The following SLCO2B1 variants were observed in gnomAD, a reference collection of about 807,000 sequenced individuals.
The protein encoded by SLCO2B1 is OATP-RP2.
A neutral mutation model predicts 67.3 loss-of-function variants in SLCO2B1; 41 were observed. The observed-to-expected ratio is 0.61, with a 90% CI of 0.47 to 0.79. SLCO2B1 has a LOEUF of 0.79. Ranked by LOEUF, SLCO2B1 falls within the 30% of genes least tolerant of loss-of-function variation. The probability of loss-of-function intolerance (pLI) is 0.00; values close to 1 mark genes in which losing one functional copy is unlikely to be tolerated. For synonymous variants in SLCO2B1, 379 were observed against 381.4 expected (o/e 0.99, Z 0.07); for missense variants, 837 against 920.1 (o/e 0.91, Z 1.17).
intron 11 of SLCO2B1, chr11:75,200,602 C>T (rs573652065): frequency 2.0e-6 from 1 of 493,732 alleles, no homozygotes; most frequent in South Asian, 3.5e-5. Context: ...CAGAGAAGTT[C>T]AGGAGCTGGC....
intron 3 of SLCO2B1, among the ~76,000 whole-genome samples, chr11:75,164,666 ATGTTTTT>A (rs1239038066): frequency 6.6e-5 from 10 of 151,986 alleles, no homozygotes; most frequent in African/African-American, 2.2e-4. Context: ...CCCCCGCCAG[ATGTTTTT>A]ACCCTGAAGG....
At chr11:75,160,219 T>G (rs1294618885) in intron 1 of SLCO2B1, among the ~76,000 whole-genome samples, 1 of 152,242 alleles carries the variant, frequency 6.6e-6, no homozygotes, top group African/African-American at 2.4e-5. Flanking sequence ...TGAAGTGACT[T>G]GGCTAGGTTT....
intron 13 of SLCO2B1, chr11:75,203,979 G>A (rs1213848977): frequency 6.1e-6 from 1 of 164,026 alleles, no homozygotes; most frequent in Non-Finnish European, 1.3e-5. Flanking sequence ...CTCTGAGGAG[G>A]TGAGGAGGGC....
chr11:75,200,235 C>A lies in SLCO2B1; in HGVS notation c.1611C>A (p.Thr537=), dbSNP rs202128185. The A allele has an allele frequency of 2.4e-5, 39 of 1,611,044 alleles. No individual in the cohort carries two copies. The highest frequency in any genetic ancestry group is 3.3e-5 in the Admixed American group (2 of 59,814). ...DALDNSQVFY[T]NCSCVVEGNP... is the part of the protein sequence containing the mutation. ...TCTTCCCACTCCAGGTTTTCTACAC[C>A]AACTGCAGCTGCGTGGTGGAGGGCA... Residue 537 remains threonine, a synonymous_variant, in exon 11 of 14, where the codon ACC becomes ACA. Coordinates refer to ENST00000289575, the MANE Select transcript of SLCO2B1 (RefSeq NM_007256.5).
chr11:75,204,265 C>A, intron 13 of SLCO2B1, 135 bp from the exon 14 acceptor site: 2 of 918,444 alleles, frequency 2.2e-6, no homozygotes, highest in Non-Finnish European at 1.6e-6. Flanking sequence ...CCCCCTCCTC[C>A]AGGGAAGAGC....
At chr11:75,186,289 A>C (rs1485645800) in intron 7 of SLCO2B1, among the ~76,000 whole-genome samples, 1 of 149,828 alleles carries the variant, frequency 6.7e-6, no homozygotes, top group Non-Finnish European at 1.5e-5. Flanking sequence ...GCTCACTACA[A>C]CCTCCGCCTC....
intron 7 of SLCO2B1, among the ~76,000 whole-genome samples, chr11:75,178,105 A>AC (rs1382614538): frequency 0.037 from 5,666 of 151,642 alleles, 370 homozygotes; most frequent in African/African-American, 0.13. Flanking sequence ...AAAAAAAAAA[A>AC]AAAACAAAAA....
In SLCO2B1 at chr11:75,200,168, G is replaced by A. The variant is rs1945161000; in HGVS notation, c.1600-56G>A. 3 of 1,547,238 alleles carry A rather than the reference G, an allele frequency of 1.9e-6. No individual in the cohort carries two copies. In the South Asian group the frequency reaches 3.7e-5, roughly 19 times the overall value. The stretch of plus-strand genomic sequence containing the variant: ...AAGCCTTCCCCGCTGCAAGCCCTTG[G>A]CCAGCTGCCTGCCCTTGGAGGCTCT... On this transcript the variant is annotated intron_variant, in intron 10 of 13. Transcript: ENST00000289575.
intron 1 of SLCO2B1, among the ~76,000 whole-genome samples, chr11:75,161,713 G>C (rs371462782): frequency 6.6e-6 from 1 of 152,206 alleles, no homozygotes; most frequent in South Asian, 2.1e-4. Context: ...GCCGCAGAAG[G>C]GGAGGAAGAC....
At chr11:75,164,295 C>G (rs1949860592) in intron 3 of SLCO2B1, among the ~76,000 whole-genome samples, 195 bp downstream of exon 3, 1 of 152,090 alleles carries the variant, frequency 6.6e-6, no homozygotes, top group Non-Finnish European at 1.5e-5. Flanking sequence ...GCTGTCTCCC[C>G]TTGGGAACCT....
chr11:75,151,133 AAAC>A lies in SLCO2B1; in HGVS notation c.-247_-245del. The A allele has an allele frequency of 2.0e-6, 1 of 511,130 alleles. No homozygotes were observed. The highest frequency in any genetic ancestry group is 3.5e-6 in the Non-Finnish European group (1 of 288,638). 31.7% of individuals were successfully genotyped at this position (511,130 alleles called of 1,614,324 possible). A position where few individuals can be genotyped will look rare whatever the true frequency, so the allele number is the denominator to read the frequency against. Reference sequence around the variant, plus strand: ...GAAGGAGCAAGTGACCCAGGGAGACAAACACTTGGAGATACTTGGGGCTGAGTT... The same window carrying A: ...GAAGGAGCAAGTGACCCAGGGAGACAACTTGGAGATACTTGGGGCTGAGTT... On this transcript the variant is annotated 5_prime_UTR_variant, in exon 1 of 14. Coordinates refer to ENST00000289575, the MANE Select transcript of SLCO2B1 (RefSeq NM_007256.5).
intron 4 of SLCO2B1, among the ~76,000 whole-genome samples, chr11:75,166,693 T>A (rs1949896989): frequency 6.6e-6 from 1 of 152,210 alleles, no homozygotes; most frequent in South Asian, 2.1e-4. Context: ...AACAAACTCT[T>A]AATGCTGCCT....
intron 8 of SLCO2B1, among the ~76,000 whole-genome samples, chr11:75,192,833 G>A (rs1435745673): frequency 6.6e-6 from 1 of 152,136 alleles, no homozygotes; most frequent in African/African-American, 2.4e-5. Flanking sequence ...ATTACTTGGG[G>A]CCTAGGGTTC....
In SLCO2B1 at chr11:75,164,103, A is replaced by G; in HGVS notation, c.285+3A>G. ...GGCTGCTGGCCTCCTTCAACGAGGTACAGGCCCCACCCAGCCACAGGGGTG... is the reference window on the plus strand; with the variant it reads ...GGCTGCTGGCCTCCTTCAACGAGGTGCAGGCCCCACCCAGCCACAGGGGTG... On this transcript the variant is annotated splice_donor_region_variant and intron_variant, in intron 3 of 13. Transcript: ENST00000289575. 6.2e-7 allele frequency: 1 copy of G among 1,606,370 alleles called. No homozygotes were observed. The highest frequency in any genetic ancestry group is 8.5e-7 in the Non-Finnish European group (1 of 1,176,944).
At position 75,204,666 on chromosome 11, in the gene SLCO2B1, C is replaced by T; in HGVS notation, c.*86C>T. The T allele has an allele frequency of 8.1e-7, 1 of 1,228,958 alleles. No individual in the cohort carries two copies. Among genetic ancestry groups the T allele is most frequent in the Non-Finnish European group, 1.1e-6 (1 of 899,898 alleles). 76.1% of individuals were successfully genotyped at this position (1,228,958 alleles called of 1,614,324 possible). A position where few individuals can be genotyped will look rare whatever the true frequency, so the allele number is the denominator to read the frequency against. ...TTTGCCCAAGATTGGGTGTCAAGAGCCCTGTGTTCCATTCTGGCTCCTCCA... is the reference window on the plus strand; with the variant it reads ...TTTGCCCAAGATTGGGTGTCAAGAGTCCTGTGTTCCATTCTGGCTCCTCCA... On this transcript the variant is annotated 3_prime_UTR_variant, in exon 14 of 14. Coordinates refer to ENST00000289575, the MANE Select transcript of SLCO2B1 (RefSeq NM_007256.5).
rs1945051182 is a variant in SLCO2B1, at chr11:75,193,249, C to A, written c.1107C>A (p.Arg369=). ...VFPRVLLQTL[R]HPIFLLVVLS... ...CCAGGGTGCTGCTGCAGACCCTACG[C>A]CACCCCATCTTCCTGCTGGTGGTCC... Residue 369 remains arginine (R), a synonymous_variant, in exon 9 of 14, where the codon CGC becomes CGA. Transcript: ENST00000289575. The surrounding 1 kb of genome is among the most constrained non-coding windows in gnomAD (Gnocchi z 4.2). 1 of 1,613,204 alleles carries A rather than the reference C, an allele frequency of 6.2e-7. No homozygotes were observed. The highest frequency in any genetic ancestry group is 1.1e-5 in the South Asian group (1 of 91,054).
chr11:75,175,929 G>A (rs1206881046), intron 7 of SLCO2B1, among the ~76,000 whole-genome samples: 2 of 152,158 alleles, frequency 1.3e-5, no homozygotes, highest in African/African-American at 2.4e-5. Context: ...ATTGGGGGAG[G>A]CCATGCAGGG....
At chr11:75,180,695 A>G (rs1441050083) in intron 7 of SLCO2B1, among the ~76,000 whole-genome samples, 1 of 152,236 alleles carries the variant, frequency 6.6e-6, no homozygotes, top group Admixed American at 6.5e-5. Context: ...CTACAACAGT[A>G]GGAATTAGGC....
rs192599672 is a variant in SLCO2B1, at chr11:75,195,738, C to T, written c.1434-776C>T. On this transcript the variant is annotated intron_variant, in intron 9 of 13. Coordinates refer to ENST00000289575, the MANE Select transcript of SLCO2B1 (RefSeq NM_007256.5). ...CCTGGCCACTGGACCCCTGTGTGAC[C>T]CTGAAAGGCGCAGCCTCTCTGGGCC... Among the ~76,000 whole-genome samples, 106 of 152,346 alleles carry T rather than the reference C, an allele frequency of 7.0e-4. 1 individual carries two copies. The highest frequency in any genetic ancestry group is 1.6e-3 in the Admixed American group (25 of 15,304).
Sources: allele counts gnomAD v4.1 joint callset (sites outside exome capture counted in the v4.1 genomes callset), GRCh38; gene constraint gnomAD v4.1.1; non-coding constraint Gnocchi (gnomAD v3.1); transcripts MANE v1.5; gene names NCBI Gene and HGNC (gene_info 2026-07-23, HGNC 2026-07-21).